ARB2A: variants seen among roughly 807,000 people sequenced by gnomAD.
The protein encoded by ARB2A is ARB2 cotranscriptional regulator A.
At chr5:93,850,671 T>A in the ARB2A span, among the ~76,000 whole-genome samples, 2 of 152,194 alleles carry the variant, frequency 1.3e-5, no homozygotes, top group Admixed American at 1.3e-4. Flanking sequence ...GTGATGAACA[T>A]GTTCTAGAAA....
At chr5:93,689,459 C>T in the ARB2A span, among the ~76,000 whole-genome samples, 1 of 152,204 alleles carries the variant, frequency 6.6e-6, no homozygotes, top group Non-Finnish European at 1.5e-5. Flanking sequence ...CATCACCAGA[C>T]TAGGCCAAGT....
the ARB2A span, among the ~76,000 whole-genome samples, chr5:93,647,488 A>C: frequency 6.6e-6 from 1 of 151,970 alleles, no homozygotes; most frequent in Non-Finnish European, 1.5e-5. Context: ...GGCCTCCCGA[A>C]GTGCTGGGGT....
chr5:94,079,266 G>A, the ARB2A span, among the ~76,000 whole-genome samples: 1 of 152,178 alleles, frequency 6.6e-6, no homozygotes, highest in East Asian at 1.9e-4. Context: ...GATCACATAT[G>A]TGGGTTCCAC....
chr5:93,758,520 T>A, the ARB2A span, among the ~76,000 whole-genome samples: 6 of 152,160 alleles, frequency 3.9e-5, no homozygotes, highest in African/African-American at 1.4e-4. Flanking sequence ...TCAATAAATT[T>A]AAGAAAGAAA....
chr5:93,822,455 T>TA, the ARB2A span, among the ~76,000 whole-genome samples: 1 of 152,186 alleles, frequency 6.6e-6, no homozygotes, highest in East Asian at 1.9e-4. Flanking sequence ...TAAACTGTCT[T>TA]AAAGTTAAAA....
chr5:93,887,211 C>T, the ARB2A span, among the ~76,000 whole-genome samples: 4 of 147,366 alleles, frequency 2.7e-5, no homozygotes, highest in Non-Finnish European at 6.0e-5. Context: ...GGATGAGAGA[C>T]GGCCCAAGCA....
the ARB2A span, among the ~76,000 whole-genome samples, chr5:93,643,544 G>A: frequency 1.4e-3 from 209 of 152,102 alleles, 6 homozygotes; most frequent in Admixed American, 5.9e-4. Context: ...GCCCAGGCTG[G>A]AGTGCAATGG....
At chr5:93,988,152 A>G in the ARB2A span, among the ~76,000 whole-genome samples, 3 of 152,278 alleles carry the variant, frequency 2.0e-5, no homozygotes, top group Middle Eastern at 0.01. Flanking sequence ...ACAGGTCATT[A>G]TCTCTTCCTT....
chr5:93,635,584 C>T, the ARB2A span, among the ~76,000 whole-genome samples: 1 of 151,318 alleles, frequency 6.6e-6, no homozygotes, highest in Non-Finnish European at 1.5e-5. Context: ...GGAGTACGGG[C>T]GTGTACCACC....
the ARB2A span, among the ~76,000 whole-genome samples, chr5:93,930,822 TTTTTA>T: frequency 6.6e-6 from 1 of 152,222 alleles, no homozygotes; most frequent in Non-Finnish European, 1.5e-5. Flanking sequence ...GAAAATACTC[TTTTTA>T]TTTTTATTTT....
At chr5:94,033,702 G>C in the ARB2A span, among the ~76,000 whole-genome samples, 2 of 152,192 alleles carry the variant, frequency 1.3e-5, no homozygotes, top group African/African-American at 2.4e-5. Flanking sequence ...TGGGATGACA[G>C]GCATGAGCCG....
the ARB2A span, chr5:94,074,647 T>C: frequency 6.2e-7 from 1 of 1,610,612 alleles, no homozygotes; most frequent in Non-Finnish European, 8.5e-7. Context: ...AGTATGTACC[T>C]TTCAGTGCGG....
chr5:94,038,294 A>C, the ARB2A span, among the ~76,000 whole-genome samples: 1 of 152,038 alleles, frequency 6.6e-6, no homozygotes, highest in Non-Finnish European at 1.5e-5. Context: ...TGAGTTTAAC[A>C]GAAACATTAT....
chr5:93,670,651 T>C, the ARB2A span, among the ~76,000 whole-genome samples: 8 of 152,200 alleles, frequency 5.3e-5, no homozygotes, highest in Admixed American at 2.0e-4. Context: ...ATAGGAACAA[T>C]TAAAAGCACA....
At chr5:93,866,469 C>T in the ARB2A span, among the ~76,000 whole-genome samples, 12 of 152,136 alleles carry the variant, frequency 7.9e-5, 1 homozygote, top group South Asian at 1.2e-3. Context: ...CCCACATACA[C>T]GCAGCTGCTG....
At chr5:93,781,431 A>T in the ARB2A span, among the ~76,000 whole-genome samples, 1 of 152,144 alleles carries the variant, frequency 6.6e-6, no homozygotes, top group African/African-American at 2.4e-5. Flanking sequence ...TTATCCAGTC[A>T]TCCTTTGATG....
the ARB2A span, among the ~76,000 whole-genome samples, chr5:94,103,014 G>A: frequency 5.9e-5 from 9 of 152,050 alleles, 1 homozygote; most frequent in East Asian, 1.9e-4. Flanking sequence ...AGGTCCTTAC[G>A]GAAGCACTAA....
chr5:94,062,862 T>C, the ARB2A span, among the ~76,000 whole-genome samples: 4 of 152,198 alleles, frequency 2.6e-5, no homozygotes, highest in African/African-American at 9.7e-5. Context: ...TGCAAGCCAT[T>C]AGCAGCAACC....
the ARB2A span, among the ~76,000 whole-genome samples, chr5:93,724,391 T>C: frequency 6.6e-6 from 1 of 152,042 alleles, no homozygotes; most frequent in East Asian, 1.9e-4. Context: ...TCAATTATAG[T>C]ATCACGTGTC....
Sources: gnomAD v4.1 joint callset for allele counts (sites outside exome capture counted in the v4.1 genomes callset) on GRCh38, gnomAD v4.1.1 for gene constraint, MANE v1.5 for transcripts, NCBI Gene and HGNC (gene_info 2026-07-23, HGNC 2026-07-21) for gene names.